ZNF804A: variants seen among roughly 807,000 people sequenced by gnomAD.
The protein encoded by ZNF804A is zinc finger protein 804A.
Under a neutral mutation model 16.5 loss-of-function variants are expected in ZNF804A, and 2 were observed. The ratio of observed to expected loss-of-function variants is 0.12; its 90% confidence interval spans 0.05 to 0.38. The LOEUF (loss-of-function observed/expected upper bound fraction) is 0.38, where lower values mean the gene tolerates loss of function less well. Ranked by LOEUF, ZNF804A falls within the 10% of genes least tolerant of loss-of-function variation. The probability of loss-of-function intolerance (pLI) is 0.99; values close to 1 mark genes in which losing one functional copy is unlikely to be tolerated. For synonymous variants in ZNF804A, 534 were observed against 489.6 expected (o/e 1.09, Z -1.20); for missense variants, 1,473 against 1,390.7 (o/e 1.06, Z -0.94).
chr2:184,737,216 C>A (rs1311469211), intron 1 of ZNF804A, among the ~76,000 whole-genome samples: 4 of 151,696 alleles, frequency 2.6e-5, no homozygotes, highest in African/African-American at 7.3e-5. Flanking sequence ...GCCACCATGC[C>A]CGGTTAATTT....
intron 1 of ZNF804A, among the ~76,000 whole-genome samples, chr2:184,786,601 C>T (rs72903737): frequency 0.058 from 8,824 of 152,020 alleles, 397 homozygotes; most frequent in Admixed American, 0.12. Context: ...AGTCCCAGGT[C>T]ATCGCCCTTT....
intron 1 of ZNF804A, among the ~76,000 whole-genome samples, chr2:184,835,581 C>T (rs1695330843): frequency 1.3e-5 from 2 of 151,646 alleles, no homozygotes; most frequent in African/African-American, 4.8e-5. Context: ...GAGTCAAGTC[C>T]CACCTCCTAC....
intron 1 of ZNF804A, among the ~76,000 whole-genome samples, chr2:184,637,467 A>G (rs1211964724): frequency 1.3e-5 from 2 of 152,204 alleles, no homozygotes; most frequent in African/African-American, 4.8e-5. Context: ...TTTCTGTTTA[A>G]CGACAATTTA....
intron 1 of ZNF804A, among the ~76,000 whole-genome samples, chr2:184,689,580 T>C (rs1470728698): frequency 1.3e-5 from 2 of 152,046 alleles, no homozygotes; most frequent in Non-Finnish European, 2.9e-5. Flanking sequence ...GGTCTGGTCA[T>C]AAAATTAGGG....
intron 1 of ZNF804A, among the ~76,000 whole-genome samples, chr2:184,775,357 A>G (rs1694271019): frequency 6.6e-6 from 1 of 151,730 alleles, no homozygotes. Flanking sequence ...ACAACTAAGA[A>G]AGGAGAATCT....
At chr2:184,606,237 G>T (rs1236288334) in intron 1 of ZNF804A, among the ~76,000 whole-genome samples, 1 of 152,132 alleles carries the variant, frequency 6.6e-6, no homozygotes, top group Non-Finnish European at 1.5e-5. Flanking sequence ...AGGTTTAATT[G>T]ACTCACATTT....
At chr2:184,822,181 G>A (rs1296859363) in intron 1 of ZNF804A, among the ~76,000 whole-genome samples, 2 of 152,090 alleles carry the variant, frequency 1.3e-5, no homozygotes, top group Non-Finnish European at 2.9e-5. Context: ...ATCAATTGTA[G>A]ACTGGATAAG....
In ZNF804A at chr2:184,858,760, C is replaced by A. The variant is rs187711043; in HGVS notation, c.112-7609C>A. ...AATTTGTACCTACTTTTTCAGTACTCACTTTTATCAGTCAGTTTTACACTT... is the reference window on the plus strand; with the variant it reads ...AATTTGTACCTACTTTTTCAGTACTAACTTTTATCAGTCAGTTTTACACTT... On this transcript the variant is annotated intron_variant, in intron 1 of 3. Coordinates refer to ENST00000302277, the MANE Select transcript of ZNF804A (RefSeq NM_194250.2). 2.0e-5 allele frequency among the ~76,000 whole-genome samples: 3 copies of A among 152,170 alleles called. No individual in the cohort carries two copies. The East Asian group carries it at 5.8e-4, about 29-fold the overall frequency.
At chr2:184,907,875 C>T (rs1038620781) in intron 2 of ZNF804A, among the ~76,000 whole-genome samples, 1 of 151,976 alleles carries the variant, frequency 6.6e-6, no homozygotes, top group Admixed American at 6.6e-5. Context: ...AGGAAGTTCA[C>T]ATTTGATAGG....
chr2:184,804,275 TG>T (rs899286540), intron 1 of ZNF804A, among the ~76,000 whole-genome samples: 5 of 152,184 alleles, frequency 3.3e-5, no homozygotes, highest in African/African-American at 1.2e-4. Context: ...AAGACTTTTT[TG>T]CCAAACAAGG....
chr2:184,888,196 A>G (rs1305798347), intron 2 of ZNF804A, among the ~76,000 whole-genome samples: 2 of 152,188 alleles, frequency 1.3e-5, no homozygotes, highest in Non-Finnish European at 2.9e-5. Flanking sequence ...ACTTTGGGAC[A>G]TACTTAAATA....
At chr2:184,918,629 T>A (rs1265089839) in intron 2 of ZNF804A, among the ~76,000 whole-genome samples, 1 of 152,204 alleles carries the variant, frequency 6.6e-6, no homozygotes, top group East Asian at 1.9e-4. Context: ...AATCAAACAG[T>A]ATTTATTTTA....
Position 184,745,308 on chromosome 2 carries a change from A to C in ZNF804A, c.112-121061A>C, listed in dbSNP as rs139575540. 1.8e-4 allele frequency among the ~76,000 whole-genome samples: 27 copies of C among 151,916 alleles called. No individual in the cohort carries two copies. The Middle Eastern group carries it at 0.01, about 57-fold the overall frequency. On this transcript the variant is annotated intron_variant, in intron 1 of 3. Coordinates refer to ENST00000302277, the MANE Select transcript of ZNF804A (RefSeq NM_194250.2). Reference sequence around the variant, plus strand: ...GAAAAAGGTAACACTAATTCAAATTATAAGACTGGAACAATCATATGGATG... The same window carrying C: ...GAAAAAGGTAACACTAATTCAAATTCTAAGACTGGAACAATCATATGGATG...
intron 1 of ZNF804A, among the ~76,000 whole-genome samples, chr2:184,769,907 G>A (rs1402020348): frequency 6.6e-6 from 1 of 151,990 alleles, no homozygotes. Context: ...GGGCTTGAAA[G>A]CACAAGTAAA....
chr2:184,655,766 C>A (rs924069291), intron 1 of ZNF804A, among the ~76,000 whole-genome samples: 20 of 150,988 alleles, frequency 1.3e-4, no homozygotes, highest in African/African-American at 4.9e-4. Context: ...TTGTGACAGC[C>A]TATAAAGAGT....
chr2:184,781,754 G>A (rs968209200), intron 1 of ZNF804A, among the ~76,000 whole-genome samples: 3 of 151,824 alleles, frequency 2.0e-5, no homozygotes, highest in African/African-American at 7.2e-5. Flanking sequence ...CTTTGTGCAA[G>A]AGAAAACAAT....
intron 1 of ZNF804A, among the ~76,000 whole-genome samples, chr2:184,772,200 G>T (rs1386869098): frequency 1.3e-5 from 2 of 150,326 alleles, no homozygotes; most frequent in East Asian, 3.9e-4. Context: ...AATGTACTTT[G>T]CATATTTTTC....
chr2:184,842,872 A>G (rs1052707795), intron 1 of ZNF804A, among the ~76,000 whole-genome samples: 5 of 152,160 alleles, frequency 3.3e-5, no homozygotes. Context: ...TATAGTTTCT[A>G]GAAGAGGAGG....
At chr2:184,723,808 G>C (rs960410134) in intron 1 of ZNF804A, among the ~76,000 whole-genome samples, 2 of 151,548 alleles carry the variant, frequency 1.3e-5, no homozygotes, top group Non-Finnish European at 3.0e-5. Context: ...GGTCTGCAAT[G>C]GTGTAGGTAT....
Sources: allele counts gnomAD v4.1 joint callset (sites outside exome capture counted in the v4.1 genomes callset), GRCh38; gene constraint gnomAD v4.1.1; transcripts MANE v1.5; gene names NCBI Gene and HGNC (gene_info 2026-07-23, HGNC 2026-07-21).